The following ATP2B2 variants were observed in gnomAD, a reference collection of about 807,000 sequenced individuals.
ATP2B2 encodes plasma membrane calcium-transporting ATPase 2.
A neutral mutation model predicts 120.0 loss-of-function variants in ATP2B2; 15 were observed. That is an observed-to-expected ratio of 0.12 (90% confidence interval 0.08 to 0.19). ATP2B2 has a LOEUF of 0.19. Among genes scored for constraint, ATP2B2 ranks in the 10% least tolerant of loss-of-function variants. The probability of loss-of-function intolerance (pLI) is 1.00; values close to 1 mark genes in which losing one functional copy is unlikely to be tolerated. For missense variants in ATP2B2, 1,045 were observed against 1,719.8 expected, an observed-to-expected ratio of 0.61 and a Z score of 6.94; for synonymous variants, 694 against 700.3, an observed-to-expected ratio of 0.99 and a Z score of 0.14.
chr3:10,343,364 C>G lies in ATP2B2; in HGVS notation c.2704-399G>C, dbSNP rs1471974208. Among the ~76,000 whole-genome samples, 54 of 151,896 alleles carry G rather than the reference C, an allele frequency of 3.6e-4. No homozygotes were observed. The highest frequency in any genetic ancestry group is 1.3e-3 in the African/African-American group (54 of 41,396). On this transcript the variant is annotated intron_variant, in intron 18 of 22. Coordinates refer to ENST00000360273, the MANE Select transcript of ATP2B2 (RefSeq NM_001001331.4). The surrounding 1 kb of genome is among the most constrained non-coding windows in gnomAD (Gnocchi z 4.2). ...CTCCTCCCCCCACTGCCTCCTCCCC[C>G]TCGGGCTTTCTATCCTACAAACAGT...
At chr3:10,652,609 T>C (rs757283164) in intron 1 of ATP2B2, among the ~76,000 whole-genome samples, 1 of 152,114 alleles carries the variant, frequency 6.6e-6, no homozygotes, top group Non-Finnish European at 1.5e-5. Context: ...TTCCTGAGTA[T>C]ATACCAAAAA....
At chr3:10,649,945 G>A (rs116071693) in intron 1 of ATP2B2, among the ~76,000 whole-genome samples, 2,017 of 152,296 alleles carry the variant, frequency 0.013, 40 homozygotes, top group African/African-American at 0.045. Context: ...TCCAATGGAC[G>A]TCTTTCTTCT....
At chr3:10,461,861 C>T (rs2064504715) in intron 1 of ATP2B2, among the ~76,000 whole-genome samples, 1 of 152,144 alleles carries the variant, frequency 6.6e-6, no homozygotes, top group African/African-American at 2.4e-5. Flanking sequence ...TCCTGGTAGG[C>T]TAGGCCCTTG....
intron 10 of ATP2B2, among the ~76,000 whole-genome samples, chr3:10,377,571 G>A (rs913617561): frequency 3.3e-5 from 5 of 152,228 alleles, no homozygotes; most frequent in South Asian, 2.1e-4. Flanking sequence ...CTGGGCCAGC[G>A]GGGCTGTCAC....
At chr3:10,365,304 G>A (rs111445327) in intron 12 of ATP2B2, among the ~76,000 whole-genome samples, 296 of 152,348 alleles carry the variant, frequency 1.9e-3, no homozygotes, top group African/African-American at 4.2e-3. Flanking sequence ...TCTGTCCAGT[G>A]AATCAATGAA....
intron 1 of ATP2B2, among the ~76,000 whole-genome samples, chr3:10,484,511 C>T (rs901912312): frequency 2.6e-5 from 4 of 152,254 alleles, no homozygotes; most frequent in African/African-American, 9.6e-5. Context: ...CCATGACCCA[C>T]CTGCTGCTGC....
intron 2 of ATP2B2, among the ~76,000 whole-genome samples, chr3:10,420,550 T>C (rs2062941369): frequency 6.6e-6 from 1 of 152,138 alleles, no homozygotes. Context: ...TTAGTTGAGA[T>C]GGGGTTTCAC....
chr3:10,336,181 C>T (rs768358827), intron 22 of ATP2B2: 139 of 1,550,566 alleles, frequency 9.0e-5, no homozygotes, highest in South Asian at 1.3e-4. Flanking sequence ...CATTGGACAA[C>T]GACACGCGAC....
chr3:10,588,699 C>T (rs949100144), intron 2 of ATP2B2, among the ~76,000 whole-genome samples: 5 of 152,160 alleles, frequency 3.3e-5, no homozygotes, highest in African/African-American at 9.7e-5. Flanking sequence ...CTGGGGCTCC[C>T]TTGCTGAGTG....
chr3:10,586,806 G>C (rs984073291), intron 2 of ATP2B2, among the ~76,000 whole-genome samples: 1 of 152,124 alleles, frequency 6.6e-6, no homozygotes, highest in East Asian at 1.9e-4. Flanking sequence ...AGAAGGTGGT[G>C]CACATTTTGC....
At chr3:10,511,442 G>T (rs1340880376) in intron 3 of ATP2B2, among the ~76,000 whole-genome samples, 1 of 152,210 alleles carries the variant, frequency 6.6e-6, no homozygotes, top group Non-Finnish European at 1.5e-5. Flanking sequence ...ACTGATAAAT[G>T]CAGGTTTGTT....
intron 2 of ATP2B2, among the ~76,000 whole-genome samples, chr3:10,448,932 C>T (rs560190594): frequency 6.6e-6 from 1 of 152,334 alleles, no homozygotes; most frequent in South Asian, 2.1e-4. Flanking sequence ...GTGGGCTAAG[C>T]GGGGAAAGCA....
At chr3:10,520,427 G>A (rs1396076745) in intron 3 of ATP2B2, among the ~76,000 whole-genome samples, 1 of 152,174 alleles carries the variant, frequency 6.6e-6, no homozygotes, top group Non-Finnish European at 1.5e-5. Flanking sequence ...CTAAATGAAT[G>A]CAGAAGAAGA....
At chr3:10,443,525 C>A (rs912122243) in intron 2 of ATP2B2, among the ~76,000 whole-genome samples, 1 of 151,960 alleles carries the variant, frequency 6.6e-6, no homozygotes. Context: ...CCGCATTGAC[C>A]GGGATGGGAG....
intron 2 of ATP2B2, among the ~76,000 whole-genome samples, chr3:10,424,837 C>T (rs988735861): frequency 2.0e-5 from 3 of 152,086 alleles, no homozygotes; most frequent in Non-Finnish European, 4.4e-5. Flanking sequence ...ACAGAAAACT[C>T]TACAAAACAA....
At chr3:10,330,233 A>G (rs1368660567) in intron 22 of ATP2B2, 1 of 154,736 alleles carries the variant, frequency 6.5e-6, no homozygotes, top group East Asian at 1.9e-4. Context: ...GAGGCTGGTC[A>G]TTGAGTCTTC....
upstream of ATP2B2, among the ~76,000 whole-genome samples, chr3:10,510,160 T>A (rs150313135): frequency 1.3e-5 from 2 of 152,218 alleles, no homozygotes; most frequent in African/African-American, 4.8e-5. Context: ...TCACCAATTC[T>A]CCCCTCCTCC....
intron 2 of ATP2B2, among the ~76,000 whole-genome samples, chr3:10,594,779 C>T (rs1279306216): frequency 6.6e-6 from 1 of 152,022 alleles, no homozygotes; most frequent in Non-Finnish European, 1.5e-5. Flanking sequence ...CTATATTTGT[C>T]TGGCATTTTA....
intron 1 of ATP2B2, among the ~76,000 whole-genome samples, chr3:10,644,982 G>A (rs1056943083): frequency 6.6e-6 from 1 of 152,148 alleles, no homozygotes; most frequent in Non-Finnish European, 1.5e-5. Flanking sequence ...AGTTATATAA[G>A]AGAATTCTCT....
Sources: allele counts gnomAD v4.1 joint callset (sites outside exome capture counted in the v4.1 genomes callset), GRCh38; gene constraint gnomAD v4.1.1; non-coding constraint Gnocchi (gnomAD v3.1); transcripts MANE v1.5; gene names NCBI Gene and HGNC (gene_info 2026-07-23, HGNC 2026-07-21).